EYS: variants seen among roughly 807,000 people sequenced by gnomAD.
EYS encodes EGF-like photoreceptor maintenance factor.
In EYS, 250 loss-of-function variants were observed where a neutral mutation model predicts 282.1. The ratio of observed to expected loss-of-function variants is 0.89; its 90% CI spans 0.80 to 0.98. EYS has a LOEUF of 0.98. EYS is among the 50% of genes least tolerant of loss of function. EYS has a pLI of 0.00. For missense variants in EYS, 4,016 were observed against 3,709.0 expected, an observed-to-expected ratio of 1.08 and a Z score of -2.15; for synonymous variants, 1,355 against 1,282.9, an observed-to-expected ratio of 1.06 and a Z score of -1.20.
chr6:64,126,804 T>TA (rs1773801219), intron 31 of EYS, among the ~76,000 whole-genome samples: 2 of 151,724 alleles, frequency 1.3e-5, no homozygotes, highest in African/African-American at 2.4e-5. Context: ...TACATATATT[T>TA]AAAAATATAT....
intron 13 of EYS, among the ~76,000 whole-genome samples, chr6:65,036,235 C>G (rs1457217662): frequency 1.3e-5 from 2 of 151,720 alleles, no homozygotes; most frequent in Admixed American, 6.6e-5. Flanking sequence ...GAAGAAAGGA[C>G]TCCCTATTCA....
At chr6:64,653,849 G>A (rs867728353) in intron 22 of EYS, among the ~76,000 whole-genome samples, 1 of 151,708 alleles carries the variant, frequency 6.6e-6, no homozygotes, top group Non-Finnish European at 1.5e-5. Flanking sequence ...ACAGGAATGA[G>A]CCACCACACC....
intron 12 of EYS, among the ~76,000 whole-genome samples, chr6:65,074,853 G>A (rs1773999810): frequency 6.6e-6 from 1 of 152,020 alleles, no homozygotes; most frequent in East Asian, 1.9e-4. Context: ...CTTCACCAAA[G>A]ATGATGGGTG....
chr6:64,947,170 A>G (rs1390502214), intron 14 of EYS, among the ~76,000 whole-genome samples: 1 of 151,870 alleles, frequency 6.6e-6, no homozygotes, highest in Non-Finnish European at 1.5e-5. Flanking sequence ...AACAGAAAAA[A>G]CAAACATGAT....
chr6:64,963,144 G>A (rs574354023), intron 14 of EYS, among the ~76,000 whole-genome samples: 9 of 152,118 alleles, frequency 5.9e-5, no homozygotes, highest in Non-Finnish European at 7.4e-5. Flanking sequence ...GTAAGCTAGT[G>A]TTCTGATTAG....
Position 63,762,405 on chromosome 6 carries a change from G to A in EYS, c.8071+56C>T, listed in dbSNP as rs577299547. ...TCTCAAAAAGAAAACTGACTTTGAA[G>A]TTCCTAATTTTAGTTATATTTGTGG... On this transcript the variant is annotated intron_variant, in intron 41 of 42. Coordinates refer to ENST00000503581, the MANE Select transcript of EYS (RefSeq NM_001142800.2). 8.8e-5 allele frequency: 131 copies of A among 1,487,496 alleles called. No homozygotes were observed. The African/African-American group carries it at 1.7e-3, about 19-fold the overall frequency. 92.1% of individuals were successfully genotyped at this position (1,487,496 alleles called of 1,614,324 possible).
At chr6:65,237,721 G>C (rs557244028) in intron 12 of EYS, among the ~76,000 whole-genome samples, 1 of 152,114 alleles carries the variant, frequency 6.6e-6, no homozygotes, top group South Asian at 2.1e-4. Context: ...AGATTTAAAT[G>C]AGTTCATAAG....
intron 7 of EYS, among the ~76,000 whole-genome samples, chr6:65,392,628 TC>T (rs1220946135): frequency 6.6e-6 from 1 of 152,022 alleles, no homozygotes; most frequent in Non-Finnish European, 1.5e-5. Context: ...TGAGATACCA[TC>T]TCACACCAGT....
chr6:63,917,851 A>G (rs1410563592), intron 35 of EYS, among the ~76,000 whole-genome samples: 1 of 152,214 alleles, frequency 6.6e-6, no homozygotes, highest in East Asian at 1.9e-4. Context: ...AAGGGAAAAT[A>G]GATTCTTCAG....
At chr6:64,742,192 C>T (rs1272659398) in intron 22 of EYS, among the ~76,000 whole-genome samples, 2 of 151,176 alleles carry the variant, frequency 1.3e-5, no homozygotes, top group Non-Finnish European at 3.0e-5. Flanking sequence ...TTATGTCTCA[C>T]CAAATAGAGA....
chr6:65,648,177 G>C (rs2149816806), intron 1 of EYS, among the ~76,000 whole-genome samples: 1 of 152,162 alleles, frequency 6.6e-6, no homozygotes, highest in Non-Finnish European at 1.5e-5. Flanking sequence ...CCATTACTAG[G>C]TATCTACCCA....
At chr6:65,042,508 T>C (rs1054515155) in intron 13 of EYS, among the ~76,000 whole-genome samples, 35 of 151,664 alleles carry the variant, frequency 2.3e-4, no homozygotes, top group African/African-American at 8.4e-4. Context: ...TTTTTAAATT[T>C]TTTTTTACTT....
chr6:64,082,045 T>A, intron 31 of EYS, 43 bp from the exon 32 acceptor site: 1 of 1,301,096 alleles, frequency 7.7e-7, no homozygotes, highest in Non-Finnish European at 1.1e-6. Context: ...TAGCATTATA[T>A]TGCTACTCAA....
At chr6:64,610,335 T>C (rs532731143) in intron 24 of EYS, among the ~76,000 whole-genome samples, 42 of 152,078 alleles carry the variant, frequency 2.8e-4, no homozygotes, top group Non-Finnish European at 4.9e-4. Flanking sequence ...CTTTAATATC[T>C]ACATAGGTCT....
intron 1 of EYS, among the ~76,000 whole-genome samples, chr6:65,666,377 A>G (rs1174567902): frequency 6.6e-6 from 1 of 151,840 alleles, no homozygotes; most frequent in African/African-American, 2.4e-5. Flanking sequence ...TCCCATCTCC[A>G]TTTCTTATTT....
chr6:64,041,677 C>T (rs1770397655), intron 33 of EYS, among the ~76,000 whole-genome samples: 1 of 152,132 alleles, frequency 6.6e-6, no homozygotes, highest in Non-Finnish European at 1.5e-5. Context: ...TACCAATTTC[C>T]CTATGTGGGA....
At chr6:65,512,106 C>T (rs1016917983) in intron 2 of EYS, among the ~76,000 whole-genome samples, 3 of 151,902 alleles carry the variant, frequency 2.0e-5, no homozygotes, top group African/African-American at 7.3e-5. Context: ...CTTCAGGTTA[C>T]CATTTCTGTG....
intron 22 of EYS, among the ~76,000 whole-genome samples, chr6:64,802,780 A>G (rs945776211): frequency 5.3e-5 from 8 of 152,222 alleles, no homozygotes; most frequent in Admixed American, 1.3e-4. Context: ...CTTCATGTAA[A>G]AAGATTTTAT....
intron 31 of EYS, among the ~76,000 whole-genome samples, chr6:64,110,282 A>AT (rs1308814995): frequency 1.3e-5 from 2 of 151,552 alleles, no homozygotes; most frequent in African/African-American, 2.4e-5. Flanking sequence ...ATGAAGTAGA[A>AT]TATTTTATAT....
Sources: allele counts gnomAD v4.1 joint callset (sites outside exome capture counted in the v4.1 genomes callset), GRCh38; gene constraint gnomAD v4.1.1; transcripts MANE v1.5; gene names NCBI Gene and HGNC (gene_info 2026-07-23, HGNC 2026-07-21).